Variants in SHC3 observed in about 807,000 individuals in gnomAD.
SHC3 encodes SHC adaptor protein 3.
SHC3 carries 15 observed loss-of-function variants against 60.4 expected under a neutral mutation model. The observed-to-expected ratio is 0.25, with a 90% CI of 0.17 to 0.38. The LOEUF (loss-of-function observed/expected upper bound fraction) is 0.38, where lower values mean the gene tolerates loss of function less well. Ranked by LOEUF, SHC3 falls within the 10% of genes least tolerant of loss-of-function variation. The pLI, the probability that SHC3 is intolerant of heterozygous loss-of-function variation, is 1.00. For synonymous variants in SHC3, 294 were observed against 325.9 expected (o/e 0.90, Z 1.05); for missense variants, 677 against 786.1 (o/e 0.86, Z 1.66).
intron 10 of SHC3, among the ~76,000 whole-genome samples, chr9:89,041,590 G>C (rs1180553037): frequency 6.6e-6 from 1 of 152,220 alleles, no homozygotes; most frequent in African/African-American, 2.4e-5. Context: ...AGAGAGAGGT[G>C]TGTTGCAATT....
At chr9:89,076,446 C>T (rs1489419673) in intron 3 of SHC3, among the ~76,000 whole-genome samples, 2 of 152,160 alleles carry the variant, frequency 1.3e-5, no homozygotes, top group African/African-American at 4.8e-5. Flanking sequence ...TTCAGAGGTT[C>T]TTTGAAGGAC....
At chr9:89,070,515 C>T (rs568044530) in intron 5 of SHC3, among the ~76,000 whole-genome samples, 26 of 152,292 alleles carry the variant, frequency 1.7e-4, no homozygotes, top group Admixed American at 1.4e-3. Flanking sequence ...AGTTCAACTT[C>T]GTGACAGTAC....
chr9:89,178,063 G>T lies in SHC3; in HGVS notation c.398C>A (p.Pro133Gln). 8.3e-7 allele frequency: 1 copy of T among 1,211,744 alleles called. No individual in the cohort carries two copies. Among genetic ancestry groups the T allele is most frequent in the Non-Finnish European group, 1.0e-6 (1 of 975,638 alleles). 75.1% of individuals were successfully genotyped at this position (1,211,744 alleles called of 1,614,324 possible). A position where few individuals can be genotyped will look rare whatever the true frequency, so the allele number is the denominator to read the frequency against. The change falls in exon 1 of 12, where the codon CCG becomes CAG. Residue 133 changes from proline to glutamine, a missense_variant. By Grantham distance (76) the Pro-to-Gln change is moderately conservative. Transcript: ENST00000375835. The surrounding 1 kb of genome is among the most constrained non-coding windows in gnomAD (Gnocchi z 6.9). ...AARKGRPGDE[P>Q]LPRPPRGAPH... is the part of the protein sequence containing the mutation. ...CGCCCCCCGAGGGGGCCTGGGCAGCGGCTCGTCGCCGGGCCGGCCCTTCCT... is the reference window on the plus strand; with the variant it reads ...CGCCCCCCGAGGGGGCCTGGGCAGCTGCTCGTCGCCGGGCCGGCCCTTCCT...
chr9:89,084,991 ATTAC>A, intron 2 of SHC3, among the ~76,000 whole-genome samples: 1 of 152,352 alleles, frequency 6.6e-6, no homozygotes, highest in South Asian at 2.1e-4. Context: ...GTTTTTAGGA[ATTAC>A]TTATCTTTTG....
intron 11 of SHC3, among the ~76,000 whole-genome samples, chr9:89,025,448 A>G (rs1360642592): frequency 6.6e-6 from 1 of 152,230 alleles, no homozygotes; most frequent in Non-Finnish European, 1.5e-5. Context: ...AGGCTGAGCC[A>G]CAGAGCTGGG....
intron 1 of SHC3, among the ~76,000 whole-genome samples, chr9:89,159,491 G>T (rs920358666): frequency 6.6e-6 from 1 of 152,196 alleles, no homozygotes; most frequent in Non-Finnish European, 1.5e-5. Context: ...GCTCCGTTCT[G>T]CCGGGCTTGA....
At chr9:89,049,220 C>T (rs1029745742) in intron 7 of SHC3, among the ~76,000 whole-genome samples, 1 of 152,158 alleles carries the variant, frequency 6.6e-6, no homozygotes, top group Non-Finnish European at 1.5e-5. Flanking sequence ...AAGATCGCGC[C>T]ACTGCACTCC....
intron 11 of SHC3, among the ~76,000 whole-genome samples, chr9:89,031,600 A>G (rs1457940754): frequency 1.3e-5 from 2 of 152,202 alleles, no homozygotes; most frequent in East Asian, 3.8e-4. Flanking sequence ...ATTATGCTCT[A>G]TTGTATGGAT....
chr9:89,059,371 G>A (rs1458890690), intron 6 of SHC3, among the ~76,000 whole-genome samples: 7 of 143,976 alleles, frequency 4.9e-5, no homozygotes, highest in Admixed American at 1.4e-4. Context: ...TGGAGGATGC[G>A]GTGGAGGACG....
chr9:89,156,899 T>A (rs565395573), intron 1 of SHC3, among the ~76,000 whole-genome samples: 3 of 152,214 alleles, frequency 2.0e-5, no homozygotes, highest in African/African-American at 7.2e-5. Flanking sequence ...GGAATCCACC[T>A]ATGACCTGTG....
At chr9:89,099,291 A>T (rs1825749596) in intron 2 of SHC3, among the ~76,000 whole-genome samples, 1 of 152,208 alleles carries the variant, frequency 6.6e-6, no homozygotes, top group Non-Finnish European at 1.5e-5. Flanking sequence ...TTTATTCTAT[A>T]TCACTCTTTT....
chr9:89,118,651 T>G (rs1826050086), intron 1 of SHC3, among the ~76,000 whole-genome samples: 3 of 149,902 alleles, frequency 2.0e-5, no homozygotes, highest in Admixed American at 6.7e-5. Context: ...GACAGGTTAC[T>G]TAAAAAGGAA....
chr9:89,111,544 C>T (rs1199900236), intron 2 of SHC3, among the ~76,000 whole-genome samples: 1 of 150,482 alleles, frequency 6.6e-6, no homozygotes, highest in Non-Finnish European at 1.5e-5. Flanking sequence ...GATGTTGGTA[C>T]ATTCACAACT....
At chr9:89,097,164 G>A (rs1459204428) in intron 2 of SHC3, among the ~76,000 whole-genome samples, 1 of 150,572 alleles carries the variant, frequency 6.6e-6, no homozygotes, top group African/African-American at 2.4e-5. Context: ...CTCAGAGGAG[G>A]CGGGATCAGA....
rs1246311486 is a variant in SHC3, at chr9:89,065,524, C to T, written c.835+5G>A. 1 of 1,614,130 alleles carries T rather than the reference C, an allele frequency of 6.2e-7. No homozygotes were observed. Among genetic ancestry groups the T allele is most frequent in the South Asian group, 1.1e-5 (1 of 91,080 alleles). ...AAGAGATTAAAGGGGTCAAGCACCG[C>T]TTACCTCTGCGATTAACAGGGTCCT... On this transcript the variant is annotated splice_donor_5th_base_variant and intron_variant, in intron 6 of 11. Coordinates refer to ENST00000375835, the MANE Select transcript of SHC3 (RefSeq NM_016848.6).
At chr9:89,041,896 T>C in intron 10 of SHC3, 130 bp downstream of exon 10, 1 of 1,168,314 alleles carries the variant, frequency 8.6e-7, no homozygotes, top group Non-Finnish European at 1.2e-6. Flanking sequence ...CCCAGAAAAG[T>C]ACAGCTAATC....
intron 6 of SHC3, among the ~76,000 whole-genome samples, chr9:89,054,281 G>T (rs1824911130): frequency 6.6e-6 from 1 of 152,190 alleles, no homozygotes; most frequent in Non-Finnish European, 1.5e-5. Context: ...TAACTCGGGG[G>T]CAGGCCCTGC....
At chr9:89,136,146 C>T (rs1826316812) in intron 1 of SHC3, among the ~76,000 whole-genome samples, 1 of 152,106 alleles carries the variant, frequency 6.6e-6, no homozygotes, top group Non-Finnish European at 1.5e-5. Context: ...CCCTATTCAG[C>T]CTGAAGAAAT....
At chr9:89,055,887 G>A (rs760251586) in intron 6 of SHC3, among the ~76,000 whole-genome samples, 3 of 152,242 alleles carry the variant, frequency 2.0e-5, no homozygotes, top group South Asian at 2.1e-4. Context: ...AATTATTAAC[G>A]TGCATTCCTG....
Sources: allele counts gnomAD v4.1 joint callset (sites outside exome capture counted in the v4.1 genomes callset), GRCh38; gene constraint gnomAD v4.1.1; non-coding constraint Gnocchi (gnomAD v3.1); transcripts MANE v1.5; gene names NCBI Gene and HGNC (gene_info 2026-07-23, HGNC 2026-07-21).